ROBO2: variants seen among roughly 807,000 people sequenced by gnomAD.
ROBO2 encodes roundabout homolog 2.
Under a neutral mutation model 160.8 loss-of-function variants are expected in ROBO2, and 53 were observed. That is an observed-to-expected ratio of 0.33 (90% CI 0.26 to 0.41). The LOEUF (loss-of-function observed/expected upper bound fraction) is 0.41. Ranked by LOEUF, ROBO2 falls within the 10% of genes least tolerant of loss-of-function variation. The pLI is 1.00. For missense variants in ROBO2, 1,577 were observed against 1,722.4 expected (o/e 0.92, Z 1.49); for synonymous variants, 664 against 611.7 (o/e 1.09, Z -1.26).
rs929211056 is a variant in ROBO2, at chr3:76,855,870, G to GA, written c.110-242136dup. On this transcript the variant is annotated intron_variant, in intron 2 of 26. Transcript: ENST00000487694. The stretch of plus-strand genomic sequence containing the variant: ...AAATAAGAATATTTGGTATGAGCCA[G>GA]AAAAAAAATGACTAAGAATTAATCT... 2.1e-4 allele frequency among the ~76,000 whole-genome samples: 32 copies of GA among 152,052 alleles called. No homozygotes were observed. The South Asian group carries it at 3.9e-3, about 19-fold the overall frequency.
chr3:76,309,326 A>G (rs1341705068), intron 2 of ROBO2, among the ~76,000 whole-genome samples: 6 of 152,250 alleles, frequency 3.9e-5, no homozygotes, highest in African/African-American at 9.6e-5. Context: ...TAAATTCACT[A>G]TTTATAAAAT....
chr3:77,533,731 G>A (rs537540463), intron 6 of ROBO2, among the ~76,000 whole-genome samples: 97 of 152,178 alleles, frequency 6.4e-4, no homozygotes, highest in Middle Eastern at 6.8e-3. Flanking sequence ...TAAGTAAGGC[G>A]CAGCTGATGA....
intron 2 of ROBO2, among the ~76,000 whole-genome samples, chr3:76,210,556 G>A (rs575995540): frequency 1.1e-4 from 16 of 152,090 alleles, no homozygotes; most frequent in South Asian, 4.1e-4. Context: ...TTTATTTTTA[G>A]CCTGATTAAG....
chr3:76,189,299 A>T (rs559629082), intron 2 of ROBO2, among the ~76,000 whole-genome samples: 50 of 151,726 alleles, frequency 3.3e-4, no homozygotes, highest in Non-Finnish European at 6.8e-4. Context: ...ACACAATGGG[A>T]AAAAAAGGTG....
intron 2 of ROBO2, among the ~76,000 whole-genome samples, chr3:76,007,575 C>T (rs367918445): frequency 3.3e-5 from 5 of 152,018 alleles, no homozygotes; most frequent in East Asian, 1.9e-4. Flanking sequence ...ATTAAATAGC[C>T]GGAAATGAAA....
chr3:77,212,056 A>G (rs1331029675), intron 2 of ROBO2, among the ~76,000 whole-genome samples: 1 of 152,082 alleles, frequency 6.6e-6, no homozygotes, highest in South Asian at 2.1e-4. Flanking sequence ...TTGGCACTGC[A>G]GGCTCTTTTT....
At chr3:75,953,602 T>C (rs1276857757) in intron 2 of ROBO2, among the ~76,000 whole-genome samples, 1 of 151,916 alleles carries the variant, frequency 6.6e-6, no homozygotes, top group Non-Finnish European at 1.5e-5. Flanking sequence ...TTTCTTTGTC[T>C]AACCCAATAA....
At chr3:77,639,988 T>C (rs1263796949) in intron 24 of ROBO2, among the ~76,000 whole-genome samples, 2 of 151,796 alleles carry the variant, frequency 1.3e-5, no homozygotes, top group Admixed American at 6.6e-5. Context: ...GGAGTTGTTA[T>C]GAAATTAACA....
At chr3:77,009,508 A>G (rs1360996835) in intron 2 of ROBO2, among the ~76,000 whole-genome samples, 2 of 152,206 alleles carry the variant, frequency 1.3e-5, no homozygotes, top group Non-Finnish European at 1.5e-5. Context: ...CTATTTTGGA[A>G]ACAATGTTTA....
At chr3:77,293,647 A>G (rs1423384740) in intron 2 of ROBO2, among the ~76,000 whole-genome samples, 10 of 143,116 alleles carry the variant, frequency 7.0e-5, no homozygotes, top group Non-Finnish European at 1.5e-4. Context: ...AGCTGAGGCT[A>G]GATCACCCAG....
chr3:76,598,121 C>T (rs1469585995), intron 2 of ROBO2, among the ~76,000 whole-genome samples: 1 of 151,472 alleles, frequency 6.6e-6, no homozygotes, highest in African/African-American at 2.4e-5. Flanking sequence ...GATGCAATAC[C>T]TTGAATGAAT....
intron 2 of ROBO2, among the ~76,000 whole-genome samples, chr3:77,324,146 C>G (rs1394573735): frequency 6.6e-6 from 1 of 152,136 alleles, no homozygotes; most frequent in Non-Finnish European, 1.5e-5. Context: ...AATCTCAACA[C>G]AGTCTCCATG....
chr3:76,749,456 C>T (rs1232909607), intron 2 of ROBO2, among the ~76,000 whole-genome samples: 1 of 151,818 alleles, frequency 6.6e-6, no homozygotes, highest in Non-Finnish European at 1.5e-5. Context: ...TATCAGAGAG[C>T]TTTCCTTGCT....
At chr3:77,290,029 T>C (rs1321165008) in intron 2 of ROBO2, among the ~76,000 whole-genome samples, 2 of 149,862 alleles carry the variant, frequency 1.3e-5, no homozygotes, top group Admixed American at 6.6e-5. Context: ...TAAAGTAAAA[T>C]TGACGATTAA....
intron 2 of ROBO2, among the ~76,000 whole-genome samples, chr3:77,306,701 T>C (rs760069287): frequency 9.9e-5 from 15 of 152,170 alleles, no homozygotes; most frequent in Non-Finnish European, 1.8e-4. Context: ...AGTCCATATA[T>C]GGGAGAAAGT....
At chr3:76,751,489 C>G (rs566226440) in intron 2 of ROBO2, among the ~76,000 whole-genome samples, 1 of 152,000 alleles carries the variant, frequency 6.6e-6, no homozygotes, top group South Asian at 2.1e-4. Context: ...AAAGAAACTA[C>G]CATCAGAGTG....
chr3:76,453,098 G>A (rs1232957242), intron 2 of ROBO2, among the ~76,000 whole-genome samples: 4 of 152,160 alleles, frequency 2.6e-5, no homozygotes, highest in African/African-American at 7.2e-5. Context: ...TGAGTAGGTT[G>A]CAAAAATTTT....
intron 2 of ROBO2, among the ~76,000 whole-genome samples, chr3:76,121,955 C>G (rs1207139153): frequency 6.6e-6 from 1 of 152,102 alleles, no homozygotes; most frequent in Non-Finnish European, 1.5e-5. Flanking sequence ...TTTAAATGCT[C>G]TATTCCTCAA....
intron 2 of ROBO2, among the ~76,000 whole-genome samples, chr3:76,680,632 G>A (rs146508869): frequency 4.8e-4 from 73 of 151,922 alleles, no homozygotes; most frequent in Non-Finnish European, 7.5e-4. Context: ...TATTTTGTGT[G>A]ATATAGATTT....
Sources: allele counts gnomAD v4.1 joint callset (sites outside exome capture counted in the v4.1 genomes callset), GRCh38; gene constraint gnomAD v4.1.1; transcripts MANE v1.5; gene names NCBI Gene and HGNC (gene_info 2026-07-23, HGNC 2026-07-21).